SRGAP1: variants seen among roughly 807,000 people sequenced by gnomAD.
SRGAP1 encodes SLIT-ROBO Rho GTPase-activating protein 1.
A neutral mutation model predicts 121.9 loss-of-function variants in SRGAP1; 43 were observed. That is an observed-to-expected ratio of 0.35 (90% CI 0.28 to 0.46). SRGAP1 has a LOEUF of 0.46. Among genes scored for constraint, SRGAP1 ranks in the 20% least tolerant of loss-of-function variants. The pLI is 1.00. For synonymous variants in SRGAP1, 447 were observed against 485.4 expected (o/e 0.92, Z 1.04); for missense variants, 1,102 against 1,350.9 (o/e 0.82, Z 2.89).
chr12:64,152,148 A>T lies in SRGAP1; in HGVS notation c.*9476A>T, dbSNP rs1186120104. ...CGTTTTCCTCAACACGTTGCATGTC[A>T]ATAGCCAACATGTATTGAGTACCAG... On this transcript the variant is annotated 3_prime_UTR_variant, in exon 22 of 22. Coordinates refer to ENST00000355086, the MANE Select transcript of SRGAP1 (RefSeq NM_020762.4). The T allele has an allele frequency of 6.6e-6, 1 of 152,224 alleles. No homozygotes were observed. The highest frequency in any genetic ancestry group is 1.9e-4 in the East Asian group (1 of 5,200). The allele number at this position is 152,224 out of a possible 1,614,324, so 9.4% of individuals were successfully genotyped here. A position where few individuals can be genotyped will look rare whatever the true frequency, so the allele number is the denominator to read the frequency against.
At chr12:63,931,692 G>A (rs148991216) in intron 1 of SRGAP1, among the ~76,000 whole-genome samples, 278 of 152,288 alleles carry the variant, frequency 1.8e-3, no homozygotes, top group African/African-American at 5.3e-3. Flanking sequence ...CCAAAAGGCT[G>A]TGTGTTCAGA....
intron 4 of SRGAP1, among the ~76,000 whole-genome samples, chr12:64,022,773 A>T (rs1231671738): frequency 3.9e-5 from 6 of 152,208 alleles, no homozygotes; most frequent in Non-Finnish European, 8.8e-5. Flanking sequence ...TGTTCTGAAG[A>T]CAAATGGAAG....
intron 1 of SRGAP1, among the ~76,000 whole-genome samples, chr12:63,936,369 A>G (rs1049571335): frequency 2.0e-5 from 3 of 152,114 alleles, no homozygotes; most frequent in South Asian, 2.1e-4. Flanking sequence ...AAGAGCCCCA[A>G]TTTTCTTCAG....
chr12:64,031,685 A>T (rs1386465514), intron 4 of SRGAP1, among the ~76,000 whole-genome samples: 3 of 152,146 alleles, frequency 2.0e-5, no homozygotes, highest in Non-Finnish European at 4.4e-5. Context: ...CTTTTAAAGG[A>T]TATATTAAAA....
rs2036717782 is a variant in SRGAP1 at position 64,127,744 on chromosome 12, C to A, written c.2540+20C>A. 1.2e-6 allele frequency: 2 copies of A among 1,613,276 alleles called. No individual in the cohort carries two copies. The highest frequency in any genetic ancestry group is 1.3e-5 in the African/African-American group (1 of 75,042). Reference sequence around the variant, plus strand: ...AGCCAGGTAAGTAGAGCCTGGGAATCAGGCCCCTAAGCCTCCGCTCCTCCT... The same window carrying A: ...AGCCAGGTAAGTAGAGCCTGGGAATAAGGCCCCTAAGCCTCCGCTCCTCCT... On this transcript the variant is annotated intron_variant, in intron 20 of 21. Transcript: ENST00000355086.
At chr12:63,880,088 A>C (rs1900144536) in intron 1 of SRGAP1, among the ~76,000 whole-genome samples, 1 of 152,134 alleles carries the variant, frequency 6.6e-6, no homozygotes. Flanking sequence ...GAAAAGTCTC[A>C]TGAGATCTGA....
intron 1 of SRGAP1, among the ~76,000 whole-genome samples, chr12:63,954,081 T>G (rs142172560): frequency 4.9e-4 from 75 of 152,356 alleles, no homozygotes; most frequent in African/African-American, 1.8e-3. Flanking sequence ...TCTCAGTGTT[T>G]CTTCTATAAA....
At chr12:63,935,252 T>A (rs7307238) in intron 1 of SRGAP1, among the ~76,000 whole-genome samples, 25,485 of 152,178 alleles carry the variant, frequency 0.17, 3,145 homozygotes, top group African/African-American at 0.35. Flanking sequence ...GCTTTATGCC[T>A]CGTGGAATTG....
chr12:63,937,010 C>G (rs1158444997), intron 1 of SRGAP1, among the ~76,000 whole-genome samples: 1 of 152,118 alleles, frequency 6.6e-6, no homozygotes, highest in Non-Finnish European at 1.5e-5. Flanking sequence ...TTCATCAGTT[C>G]TGGAGTGAAT....
At chr12:63,917,641 A>T (rs1228640471) in intron 1 of SRGAP1, among the ~76,000 whole-genome samples, 2 of 152,110 alleles carry the variant, frequency 1.3e-5, no homozygotes, top group Non-Finnish European at 2.9e-5. Context: ...TTTTAAAAGG[A>T]TATATTATAG....
intron 1 of SRGAP1, among the ~76,000 whole-genome samples, chr12:63,864,775 A>T (rs1214402605): frequency 6.6e-6 from 1 of 152,202 alleles, no homozygotes; most frequent in East Asian, 1.9e-4. Context: ...TGCTGTATAG[A>T]TAGGATCCTG....
intron 3 of SRGAP1, among the ~76,000 whole-genome samples, chr12:63,999,628 C>T (rs890314749): frequency 1.1e-4 from 16 of 152,022 alleles, no homozygotes; most frequent in African/African-American, 3.4e-4. Context: ...GGGTGATAGG[C>T]GTCATATGAG....
chr12:63,984,102 A>T lies in SRGAP1; in HGVS notation c.223A>T (p.Met75Leu). The T allele has an allele frequency of 6.5e-7, 1 of 1,527,958 alleles. No individual in the cohort carries two copies. Among genetic ancestry groups the T allele is most frequent in the East Asian group, 2.4e-5 (1 of 41,288 alleles). The allele number at this position is 1,527,958 out of a possible 1,614,324, so 94.7% of individuals were successfully genotyped here. A position where few individuals can be genotyped will look rare whatever the true frequency, so the allele number is the denominator to read the frequency against. The change falls in exon 2 of 22, where the codon ATG (methionine) becomes TTG (leucine). Residue 75 changes from methionine (M) to leucine (L), a missense_variant. By Grantham distance (15) the Met-to-Leu change is conservative. Transcript: ENST00000355086. Reference protein sequence around the residue: ...RNLEKLAERFMAKTRSTKDHQ... With the variant: ...RNLEKLAERFLAKTRSTKDHQ... ...TCTAGAGAAGTTAGCAGAAAGGTTCATGGCAAAAACAAGAAGCACTAAGGA... is the reference window on the plus strand; with the variant it reads ...TCTAGAGAAGTTAGCAGAAAGGTTCTTGGCAAAAACAAGAAGCACTAAGGA...
chr12:64,142,602 C>T lies in SRGAP1; in HGVS notation c.3188C>T (p.Pro1063Leu). Residue 1063 changes from proline to leucine, a missense_variant, in exon 22 of 22, where the codon CCA (proline) becomes CTA (leucine). Around this residue, in one of 3 missense-constraint regions of SRGAP1, gnomAD observed 315 missense variants for 343.1 expected, o/e 0.92. Transcript: ENST00000355086. The stretch of plus-strand genomic sequence containing the variant: ...CTTAGGCCAAAACCTGCTGTTCTTC[C>T]AAAAACAAATCCTACCATAGGACCT... ...PALRPKPAVLPKTNPTIGPAP... is the reference protein window; with the variant it reads ...PALRPKPAVLLKTNPTIGPAP... The T allele has an allele frequency of 1.2e-6, 2 of 1,614,152 alleles. No individual in the cohort carries two copies. Among genetic ancestry groups the T allele is most frequent in the Non-Finnish European group, 1.7e-6 (2 of 1,180,028 alleles).
intron 6 of SRGAP1, among the ~76,000 whole-genome samples, chr12:64,053,400 A>G (rs1295093612): frequency 6.6e-6 from 1 of 152,210 alleles, no homozygotes; most frequent in East Asian, 1.9e-4. Context: ...ATCCTGATTT[A>G]TAAAATGAAG....
At chr12:64,131,705 T>C (rs1261053745) in intron 21 of SRGAP1, among the ~76,000 whole-genome samples, 1 of 152,188 alleles carries the variant, frequency 6.6e-6, no homozygotes, top group Non-Finnish European at 1.5e-5. Flanking sequence ...CGATCACATA[T>C]ATACCACTTC....
At chr12:64,135,227 G>A (rs1296723286) in intron 21 of SRGAP1, among the ~76,000 whole-genome samples, 5 of 152,206 alleles carry the variant, frequency 3.3e-5, no homozygotes, top group Non-Finnish European at 7.3e-5. Flanking sequence ...CCAAGTTGCA[G>A]GGTCCCATTC....
At chr12:64,118,432 G>C (rs2036556163) in intron 18 of SRGAP1, among the ~76,000 whole-genome samples, 1 of 151,856 alleles carries the variant, frequency 6.6e-6, no homozygotes, top group Non-Finnish European at 1.5e-5. Context: ...ACCACACCCA[G>C]CTAATTTTTT....
intron 1 of SRGAP1, among the ~76,000 whole-genome samples, chr12:63,875,969 T>C (rs545575904): frequency 6.6e-6 from 1 of 152,204 alleles, no homozygotes; most frequent in East Asian, 1.9e-4. Context: ...ATAACAATCA[T>C]GTTTATTGTA....
Sources: allele counts gnomAD v4.1 joint callset (sites outside exome capture counted in the v4.1 genomes callset), GRCh38; gene constraint gnomAD v4.1.1; regional missense constraint gnomAD v4.1.1; transcripts MANE v1.5; gene names NCBI Gene and HGNC (gene_info 2026-07-23, HGNC 2026-07-21).